The following RHOU variants were observed in gnomAD, a reference collection of about 807,000 sequenced individuals.
RHOU encodes the protein rho-related GTP-binding protein RhoU.
A neutral mutation model predicts 12.6 loss-of-function variants in RHOU; 8 were observed. That is an observed-to-expected ratio of 0.64 (90% CI 0.37 to 1.15). The LOEUF is 1.15. RHOU is among the 50% of genes most tolerant of loss of function. The pLI is 0.01. For missense variants in RHOU, 258 were observed against 347.0 expected, an observed-to-expected ratio of 0.74 and a Z score of 2.04; for synonymous variants, 161 against 147.4, an observed-to-expected ratio of 1.09 and a Z score of -0.67.
At chr1:228,683,848 G>A in the RHOU span, among the ~76,000 whole-genome samples, 10 of 152,242 alleles carry the variant, frequency 6.6e-5, no homozygotes, top group Admixed American at 4.6e-4. Flanking sequence ...AAAGATCCCC[G>A]TGTCTGGCTG....
At chr1:228,675,666 T>C in the RHOU span, among the ~76,000 whole-genome samples, 1 of 152,236 alleles carries the variant, frequency 6.6e-6, no homozygotes, top group Admixed American at 6.5e-5. Context: ...TTATAACAGA[T>C]TTTTCTGTAA....
At chr1:228,716,743 C>CGCATATATATAT in the RHOU span, among the ~76,000 whole-genome samples, 1 of 58,258 alleles carries the variant, frequency 1.7e-5, no homozygotes. Flanking sequence ...TACATATACA[C>CGCATATATATAT]ACACATGTGT....
chr1:228,646,893 G>T, the RHOU span, among the ~76,000 whole-genome samples: 2 of 151,294 alleles, frequency 1.3e-5, no homozygotes, highest in African/African-American at 4.8e-5. Context: ...GAGGGAGGGA[G>T]AGAGACAGCG....
At chr1:228,691,563 G>T in the RHOU span, among the ~76,000 whole-genome samples, 1 of 152,098 alleles carries the variant, frequency 6.6e-6, no homozygotes, top group Admixed American at 6.6e-5. Context: ...GGTTCTTCAT[G>T]TCTTGTAGAG....
chr1:228,663,253 C>T, the RHOU span, among the ~76,000 whole-genome samples: 1 of 152,156 alleles, frequency 6.6e-6, no homozygotes, highest in East Asian at 1.9e-4. Flanking sequence ...GTGTGGTGTT[C>T]TCATTATTTC....
At chr1:228,730,045 C>G in the RHOU span, among the ~76,000 whole-genome samples, 3 of 152,166 alleles carry the variant, frequency 2.0e-5, no homozygotes, top group African/African-American at 7.2e-5. Context: ...TCTAGTGAAA[C>G]ATGGCAAGAC....
chr1:228,657,384 T>C, the RHOU span, among the ~76,000 whole-genome samples: 3 of 148,868 alleles, frequency 2.0e-5, no homozygotes, highest in South Asian at 6.4e-4. Flanking sequence ...GTGGCTGTAC[T>C]AATATCAGAC....
At chr1:228,726,841 T>C in the RHOU span, among the ~76,000 whole-genome samples, 6 of 152,178 alleles carry the variant, frequency 3.9e-5, no homozygotes, top group Non-Finnish European at 5.9e-5. Context: ...TATAATTTGT[T>C]GTAGATTTGT....
the RHOU span, among the ~76,000 whole-genome samples, chr1:228,701,477 T>G: frequency 1.3e-5 from 2 of 152,138 alleles, no homozygotes; most frequent in Non-Finnish European, 2.9e-5. Context: ...ACAAAAATTT[T>G]TTATTATCTC....
the RHOU span, among the ~76,000 whole-genome samples, chr1:228,692,492 A>G: frequency 6.6e-6 from 1 of 152,164 alleles, no homozygotes; most frequent in Non-Finnish European, 1.5e-5. Context: ...CTGAGTGAAG[A>G]ACTTACTTGG....
At chr1:228,734,645 G>T (rs1662555254), upstream of RHOU, among the ~76,000 whole-genome samples, 1 of 152,094 alleles carries the variant, frequency 6.6e-6, no homozygotes, top group Admixed American at 6.5e-5. Context: ...AATAATATGT[G>T]GCCCTTCTCA....
At chr1:228,649,583 G>A in the RHOU span, among the ~76,000 whole-genome samples, 1 of 152,150 alleles carries the variant, frequency 6.6e-6, no homozygotes, top group Non-Finnish European at 1.5e-5. Context: ...TTAAATAAAT[G>A]ACTATTAATT....
At chr1:228,706,043 T>A in the RHOU span, among the ~76,000 whole-genome samples, 4 of 152,012 alleles carry the variant, frequency 2.6e-5, no homozygotes, top group Admixed American at 6.6e-5. Context: ...AAAACTCTAT[T>A]TCAAAAAACA....
the RHOU span, among the ~76,000 whole-genome samples, chr1:228,689,793 C>T: frequency 2.0e-5 from 3 of 151,726 alleles, no homozygotes; most frequent in South Asian, 2.1e-4. Context: ...AGTTTCATAC[C>T]GAAACCATCC....
At chr1:228,665,436 C>T in the RHOU span, among the ~76,000 whole-genome samples, 1 of 152,236 alleles carries the variant, frequency 6.6e-6, no homozygotes, top group Non-Finnish European at 1.5e-5. Flanking sequence ...TCCTACTGCT[C>T]TGGTTCTGGC....
Position 228,738,891 on chromosome 1 carries a change from A to T in RHOU, c.321+1160A>T, listed in dbSNP as rs930613370. Among the ~76,000 whole-genome samples, 1 of 151,896 alleles carries T rather than the reference A, an allele frequency of 6.6e-6. No homozygotes were observed. Among genetic ancestry groups the T allele is most frequent in the Non-Finnish European group, 1.5e-5 (1 of 67,960 alleles). On this transcript the variant is annotated intron_variant, in intron 2 of 2. Coordinates refer to ENST00000366691, the MANE Select transcript of RHOU (RefSeq NM_021205.6). The surrounding 1 kb of genome is among the most constrained non-coding windows in gnomAD (Gnocchi z 4.2). ...ATGCTCTTTGGGAGGCTGAGGTGGGAGGATTGCATGAGGCCAGGAATTTGA... is the reference window on the plus strand; with the variant it reads ...ATGCTCTTTGGGAGGCTGAGGTGGGTGGATTGCATGAGGCCAGGAATTTGA...
At chr1:228,668,796 G>C in the RHOU span, among the ~76,000 whole-genome samples, 1 of 152,182 alleles carries the variant, frequency 6.6e-6, no homozygotes, top group Non-Finnish European at 1.5e-5. Context: ...TGACCTCCCT[G>C]CTGTCCTTTC....
the RHOU span, among the ~76,000 whole-genome samples, chr1:228,694,564 C>G: frequency 3.3e-5 from 5 of 152,132 alleles, no homozygotes; most frequent in Non-Finnish European, 4.4e-5. Flanking sequence ...TAAGTAAGAA[C>G]ATGCAGTGTT....
chr1:228,689,436 T>C, the RHOU span, among the ~76,000 whole-genome samples: 1 of 152,190 alleles, frequency 6.6e-6, no homozygotes, highest in African/African-American at 2.4e-5. Context: ...TGAATCTGCC[T>C]GTTGATCCCT....
Sources: gnomAD v4.1 joint callset for allele counts (sites outside exome capture counted in the v4.1 genomes callset) on GRCh38, gnomAD v4.1.1 for gene constraint, Gnocchi (gnomAD v3.1) non-coding constraint, MANE v1.5 for transcripts, NCBI Gene and HGNC (gene_info 2026-07-23, HGNC 2026-07-21) for gene names.